L3MBTL4: variants seen among roughly 807,000 people sequenced by gnomAD.
L3MBTL4 encodes L3MBTL histone methyl-lysine binding protein 4.
A neutral mutation model predicts 84.5 loss-of-function variants in L3MBTL4; 70 were observed. The ratio of observed to expected loss-of-function variants is 0.83; its 90% confidence interval spans 0.68 to 1.01. L3MBTL4 has a LOEUF of 1.01. Among genes scored for constraint, L3MBTL4 ranks in the 50% least tolerant of loss-of-function variants. The pLI is 0.00. For synonymous variants in L3MBTL4, 274 were observed against 259.8 expected, an observed-to-expected ratio of 1.05 and a Z score of -0.52; for missense variants, 715 against 754.8, an observed-to-expected ratio of 0.95 and a Z score of 0.62.
intron 16 of L3MBTL4, among the ~76,000 whole-genome samples, chr18:6,077,146 A>G (rs950472081): frequency 6.6e-6 from 1 of 152,198 alleles, no homozygotes; most frequent in Non-Finnish European, 1.5e-5. Context: ...CCAAACACAT[A>G]AACTCTATGT....
intron 16 of L3MBTL4, among the ~76,000 whole-genome samples, chr18:5,976,211 A>G (rs147792178): frequency 2.2e-4 from 34 of 152,374 alleles, no homozygotes; most frequent in Middle Eastern, 6.8e-3. Context: ...TAGTAGAAAA[A>G]GCAGAATGTA....
Position 6,213,266 on chromosome 18 carries a change from A to T in L3MBTL4, c.871-7T>A, listed in dbSNP as rs753526583. 4.6e-6 allele frequency: 7 copies of T among 1,521,146 alleles called. No homozygotes were observed. The highest frequency in any genetic ancestry group is 6.3e-6 in the Non-Finnish European group (7 of 1,112,418). 94.2% of individuals were successfully genotyped at this position (1,521,146 alleles called of 1,614,324 possible). A position where few individuals can be genotyped will look rare whatever the true frequency, so the allele number is the denominator to read the frequency against. On this transcript the variant is annotated splice_polypyrimidine_tract_variant and splice_region_variant and intron_variant, in intron 11 of 18. Coordinates refer to ENST00000317931, the MANE Select transcript of L3MBTL4 (RefSeq NM_001330559.2). ...GAAAACCATGAGGCAACCTCTGTAA[A>T]TGTTATTATAAGTACAACAAATCAT...
At chr18:6,355,851 A>AC (rs200897770) in intron 1 of L3MBTL4, among the ~76,000 whole-genome samples, 11,509 of 151,764 alleles carry the variant, frequency 0.076, 493 homozygotes, top group Non-Finnish European at 0.096. Context: ...ATAAAAAAAA[A>AC]AAACAAACAA....
intron 14 of L3MBTL4, among the ~76,000 whole-genome samples, 183 bp downstream of exon 14, chr18:6,138,011 G>T (rs1228627940): frequency 3.9e-5 from 6 of 152,152 alleles, no homozygotes; most frequent in African/African-American, 1.4e-4. Flanking sequence ...TTCCAAGAAG[G>T]TTCTAGAAGG....
At chr18:6,098,256 C>T (rs967379706) in intron 14 of L3MBTL4, among the ~76,000 whole-genome samples, 3 of 152,144 alleles carry the variant, frequency 2.0e-5, no homozygotes, top group Non-Finnish European at 4.4e-5. Context: ...CAAGTTGTCA[C>T]GACTTACCTA....
Position 6,175,888 on chromosome 18 carries a change from A to C in L3MBTL4, c.982-3946T>G, listed in dbSNP as rs572327839. ...CTTGCAAAATAAGTCAACATAAAAC[A>C]ATCAATTCTATTAATATATACTGGC... On this transcript the variant is annotated intron_variant, in intron 12 of 18. Coordinates refer to ENST00000317931, the MANE Select transcript of L3MBTL4 (RefSeq NM_001330559.2). 3.9e-5 allele frequency among the ~76,000 whole-genome samples: 6 copies of C among 152,298 alleles called. No individual in the cohort carries two copies. The East Asian group carries it at 9.6e-4, about 24-fold the overall frequency.
At chr18:5,956,433 A>C in intron 18 of L3MBTL4, 46 bp from the exon 19 acceptor site, 1 of 1,585,150 alleles carries the variant, frequency 6.3e-7, no homozygotes, top group Non-Finnish European at 8.6e-7. Flanking sequence ...TTGCCACGGA[A>C]GCCTGTTTAC....
intron 5 of L3MBTL4, chr18:6,258,895 C>A (rs2048274137): frequency 6.6e-6 from 1 of 152,198 alleles, no homozygotes; most frequent in Non-Finnish European, 1.5e-5. Context: ...CCTATTGAGG[C>A]AGCAAGAGTG....
intron 16 of L3MBTL4, among the ~76,000 whole-genome samples, chr18:6,015,242 T>A (rs1448270381): frequency 2.0e-5 from 3 of 151,502 alleles, no homozygotes. Flanking sequence ...AGACATAAGG[T>A]CTGGAGAAAG....
chr18:6,093,106 T>A (rs2058513102), intron 15 of L3MBTL4, among the ~76,000 whole-genome samples: 1 of 152,204 alleles, frequency 6.6e-6, no homozygotes, highest in African/African-American at 2.4e-5. Context: ...TACTTTCTAC[T>A]GCTTACATAC....
intron 1 of L3MBTL4, among the ~76,000 whole-genome samples, chr18:6,398,675 G>T (rs1037838210): frequency 7.3e-6 from 1 of 137,194 alleles, no homozygotes; most frequent in African/African-American, 2.7e-5. Context: ...TTTTGATTGT[G>T]CCTCACACTA....
At chr18:6,120,066 T>C (rs1321089050) in intron 14 of L3MBTL4, among the ~76,000 whole-genome samples, 2 of 152,222 alleles carry the variant, frequency 1.3e-5, no homozygotes, top group South Asian at 2.1e-4. Flanking sequence ...CTGAGTCTTA[T>C]GGACTGTGAA....
At chr18:6,027,338 A>G (rs1185570431) in intron 16 of L3MBTL4, among the ~76,000 whole-genome samples, 1 of 152,118 alleles carries the variant, frequency 6.6e-6, no homozygotes, top group Non-Finnish European at 1.5e-5. Context: ...TTCCAGCTTC[A>G]TGCATGGTCC....
At chr18:6,162,666 A>T (rs1281103572) in intron 13 of L3MBTL4, among the ~76,000 whole-genome samples, 1 of 152,230 alleles carries the variant, frequency 6.6e-6, no homozygotes, top group East Asian at 1.9e-4. Flanking sequence ...GTTTGTACAC[A>T]TATCATAGAT....
At chr18:6,065,285 T>C (rs1053424769) in intron 16 of L3MBTL4, among the ~76,000 whole-genome samples, 7 of 152,132 alleles carry the variant, frequency 4.6e-5, no homozygotes, top group Non-Finnish European at 8.8e-5. Flanking sequence ...TTTGCATCTA[T>C]GTTCATCAAG....
chr18:6,165,821 C>A (rs2043620885), intron 13 of L3MBTL4, among the ~76,000 whole-genome samples: 1 of 152,168 alleles, frequency 6.6e-6, no homozygotes, highest in Non-Finnish European at 1.5e-5. Context: ...ATCAAATTCA[C>A]ATATAACAAT....
chr18:6,040,278 T>C (rs2056341785), intron 16 of L3MBTL4, among the ~76,000 whole-genome samples: 1 of 152,202 alleles, frequency 6.6e-6, no homozygotes, highest in Non-Finnish European at 1.5e-5. Flanking sequence ...AGCAATTTTG[T>C]CCCCTTCATC....
chr18:6,133,886 C>T (rs2059950567), intron 14 of L3MBTL4, among the ~76,000 whole-genome samples: 2 of 152,146 alleles, frequency 1.3e-5, no homozygotes, highest in South Asian at 4.1e-4. Context: ...GGCACATGAC[C>T]TTCCTCTAGG....
intron 5 of L3MBTL4, among the ~76,000 whole-genome samples, chr18:6,258,241 G>C (rs1297297753): frequency 6.6e-6 from 1 of 152,216 alleles, no homozygotes; most frequent in Admixed American, 6.5e-5. Flanking sequence ...TAGGGAGCAG[G>C]GAGAGCCCAG....
Sources: allele counts gnomAD v4.1 joint callset (sites outside exome capture counted in the v4.1 genomes callset), GRCh38; gene constraint gnomAD v4.1.1; transcripts MANE v1.5; gene names NCBI Gene and HGNC (gene_info 2026-07-23, HGNC 2026-07-21).